ROBO2: variants seen among roughly 807,000 people sequenced by gnomAD.
ROBO2 encodes roundabout guidance receptor 2.
A neutral mutation model predicts 160.8 loss-of-function variants in ROBO2; 53 were observed. The ratio of observed to expected loss-of-function variants is 0.33; its 90% CI spans 0.26 to 0.41. The LOEUF (loss-of-function observed/expected upper bound fraction) is 0.41. Among genes scored for constraint, ROBO2 ranks in the 10% least tolerant of loss-of-function variants. The pLI is 1.00. For missense variants in ROBO2, 1,577 were observed against 1,722.4 expected (o/e 0.92, Z 1.49); for synonymous variants, 664 against 611.7 (o/e 1.09, Z -1.26).
chr3:76,498,469 A>G (rs1225767186), intron 2 of ROBO2, among the ~76,000 whole-genome samples: 1 of 152,070 alleles, frequency 6.6e-6, no homozygotes. Context: ...CACCACAAAT[A>G]AATAAATAAG....
intron 2 of ROBO2, among the ~76,000 whole-genome samples, chr3:77,394,004 T>C (rs2075007948): frequency 1.3e-5 from 2 of 152,312 alleles, no homozygotes; most frequent in African/African-American, 2.4e-5. Context: ...ATTTTGTTTT[T>C]ATGTGTGCGG....
intron 2 of ROBO2, among the ~76,000 whole-genome samples, chr3:77,212,981 A>G (rs2084394182): frequency 6.6e-6 from 1 of 152,120 alleles, no homozygotes; most frequent in African/African-American, 2.4e-5. Context: ...GTTGGCCAGT[A>G]TTTTGTTGAG....
chr3:76,004,517 C>G (rs2065968932), intron 2 of ROBO2, among the ~76,000 whole-genome samples: 1 of 152,136 alleles, frequency 6.6e-6, no homozygotes, highest in South Asian at 2.1e-4. Context: ...AGTTCAAATT[C>G]AAGTTACTGA....
chr3:76,243,154 C>A (rs895918369), intron 2 of ROBO2, among the ~76,000 whole-genome samples: 1 of 152,108 alleles, frequency 6.6e-6, no homozygotes, highest in African/African-American at 2.4e-5. Context: ...TCTCGGACTT[C>A]GGATGCCAGG....
chr3:76,029,409 A>C (rs1162743504), intron 2 of ROBO2, among the ~76,000 whole-genome samples: 2 of 152,100 alleles, frequency 1.3e-5, no homozygotes, highest in Non-Finnish European at 2.9e-5. Flanking sequence ...GTACATGTGC[A>C]CAATGTGCAG....
intron 2 of ROBO2, among the ~76,000 whole-genome samples, chr3:76,042,703 A>C (rs1302271134): frequency 6.6e-6 from 1 of 152,052 alleles, no homozygotes; most frequent in African/African-American, 2.4e-5. Context: ...TAAACCTAGT[A>C]GTTAAAAATC....
intron 22 of ROBO2, among the ~76,000 whole-genome samples, chr3:77,618,681 G>A (rs1433131301): frequency 1.3e-5 from 2 of 151,890 alleles, no homozygotes; most frequent in African/African-American, 4.8e-5. Flanking sequence ...CATTATTAAT[G>A]AAGTATGTAT....
chr3:77,457,663 C>A (rs2081814663), intron 2 of ROBO2, among the ~76,000 whole-genome samples: 1 of 151,992 alleles, frequency 6.6e-6, no homozygotes, highest in Non-Finnish European at 1.5e-5. Flanking sequence ...CTGAGAAAGA[C>A]TATCCAAAGA....
At chr3:76,786,589 T>C (rs970124952) in intron 2 of ROBO2, among the ~76,000 whole-genome samples, 1 of 151,332 alleles carries the variant, frequency 6.6e-6, no homozygotes, top group African/African-American at 2.4e-5. Context: ...CTCCCATGAT[T>C]CAATTACCTC....
intron 2 of ROBO2, among the ~76,000 whole-genome samples, chr3:76,778,007 C>G (rs2122445): frequency 6.6e-6 from 1 of 150,846 alleles, no homozygotes; most frequent in Non-Finnish European, 1.5e-5. Flanking sequence ...GCATGTATTT[C>G]CCTACATATA....
intron 2 of ROBO2, among the ~76,000 whole-genome samples, chr3:76,298,437 C>T (rs1325704070): frequency 6.6e-6 from 1 of 151,992 alleles, no homozygotes; most frequent in African/African-American, 2.4e-5. Flanking sequence ...ATTCTAAGCC[C>T]CATTTTGAAT....
chr3:76,097,730 C>A (rs187979269), intron 2 of ROBO2, among the ~76,000 whole-genome samples: 63 of 152,250 alleles, frequency 4.1e-4, no homozygotes, highest in African/African-American at 1.5e-3. Context: ...TACACATACA[C>A]AAGTCCATGC....
intron 2 of ROBO2, among the ~76,000 whole-genome samples, chr3:76,750,366 A>G (rs1227460466): frequency 6.6e-6 from 1 of 152,106 alleles, no homozygotes; most frequent in African/African-American, 2.4e-5. Context: ...AACTGGAAGC[A>G]TTCCCTTTGA....
chr3:76,080,879 A>G (rs2068804581), intron 2 of ROBO2, among the ~76,000 whole-genome samples: 1 of 152,116 alleles, frequency 6.6e-6, no homozygotes, highest in Non-Finnish European at 1.5e-5. Flanking sequence ...ACTATTTTTA[A>G]TCCTTGATTT....
At chr3:76,032,273 G>T (rs1460256534) in intron 2 of ROBO2, among the ~76,000 whole-genome samples, 3 of 152,038 alleles carry the variant, frequency 2.0e-5, no homozygotes, top group Middle Eastern at 3.4e-3. Context: ...CTTGCTAGTG[G>T]TCTATCTACT....
At chr3:77,541,701 T>A (rs2092468464) in intron 6 of ROBO2, among the ~76,000 whole-genome samples, 1 of 152,196 alleles carries the variant, frequency 6.6e-6, no homozygotes, top group Non-Finnish European at 1.5e-5. Context: ...GCTGAAGCAA[T>A]AAGGTATAAT....
intron 2 of ROBO2, among the ~76,000 whole-genome samples, chr3:76,910,327 C>T (rs780347095): frequency 6.6e-6 from 1 of 152,074 alleles, no homozygotes; most frequent in Non-Finnish European, 1.5e-5. Flanking sequence ...TTTTGCTAAA[C>T]ACGAGGCTAT....
chr3:77,574,556 G>T, exon 14 of ROBO2: 1 of 1,613,464 alleles, frequency 6.2e-7, no homozygotes, highest in Non-Finnish European at 8.5e-7. Flanking sequence ...TCAGACTTCA[G>T]GTCTGCAGGC....
At chr3:76,133,302 A>T (rs886126470) in intron 2 of ROBO2, among the ~76,000 whole-genome samples, 1 of 152,018 alleles carries the variant, frequency 6.6e-6, no homozygotes, top group Non-Finnish European at 1.5e-5. Context: ...CCCAAAAGAC[A>T]CTCAAAGTAT....
Sources: allele counts gnomAD v4.1 joint callset (sites outside exome capture counted in the v4.1 genomes callset), GRCh38; gene constraint gnomAD v4.1.1; transcripts MANE v1.5; gene names NCBI Gene and HGNC (gene_info 2026-07-23, HGNC 2026-07-21).